TTN: variants seen among roughly 807,000 people sequenced by gnomAD.
TTN encodes the protein connectin.
TTN carries 1,525 observed loss-of-function variants against 3,223.0 expected under a neutral mutation model. The ratio of observed to expected loss-of-function variants is 0.47; its 90% CI spans 0.45 to 0.49. The LOEUF is 0.49. Ranked by LOEUF, TTN falls within the 20% of genes least tolerant of loss-of-function variation. TTN has a pLI of 0.00. For synonymous variants in TTN, 14,094 were observed against 15,161.0 expected, an observed-to-expected ratio of 0.93 and a Z score of 5.17; for missense variants, 40,786 against 43,424.0, an observed-to-expected ratio of 0.94 and a Z score of 5.40.
At position 178,727,840 on chromosome 2, in the gene TTN, G is replaced by T. The variant is rs116572520; in HGVS notation, c.19738C>A (p.Pro6580Thr). The T allele has an allele frequency of 1.3e-6, 2 of 1,594,824 alleles. No individual in the cohort carries two copies. Among genetic ancestry groups the T allele is most frequent in the Admixed American group, 3.5e-5 (2 of 57,436 alleles). The change falls in exon 68 of 363, where the codon CCT (proline) becomes ACT (threonine). Residue 6580 changes from proline (P) to threonine (T), a missense_variant. Pro to Thr is a conservative substitution (Grantham distance 38, BLOSUM62 -1). Transcript: ENST00000589042. Reference sequence around the variant, plus strand: ...TCAGGTATGGCTTGCTGTCGCCCAGGTTTCACTAGGAAGCTTGGTGGTTCT... The same window carrying T: ...TCAGGTATGGCTTGCTGTCGCCCAGTTTTCACTAGGAAGCTTGGTGGTTCT... The part of the protein sequence containing the change: ...VKEPPSFLVK[P>T]GRQQAIPDST...
rs1700819240 is a variant in TTN, at chr2:178,554,984, G to C, written c.88475C>G (p.Thr29492Ser). 1 of 1,613,546 alleles carries C rather than the reference G, an allele frequency of 6.2e-7. No individual in the cohort carries two copies. Among genetic ancestry groups the C allele is most frequent in the African/African-American group, 1.3e-5 (1 of 74,918 alleles). The change falls in exon 331 of 363, where the codon ACC becomes AGC. Residue 29492 changes from threonine to serine, a missense_variant. By Grantham distance (58) the Thr-to-Ser change is moderately conservative. Transcript: ENST00000589042. ...GATGAGTATAGATGCGAGGTCCGTG[G>C]TATTTTCAACACACACCAGTGCATT... ...QTNALVCVEN[T>S]TDLASILIKD...
Position 178,539,091 on chromosome 2 carries a change from G to A in TTN, c.98844C>T (p.Asn32948=). Residue 32948 remains asparagine (N), a synonymous_variant, in exon 353 of 363, where the codon AAC becomes AAT. Transcript: ENST00000589042. ...ACATTGTGGTGGTGATCTGAGTCTT[G>A]TTGTGTCTGACCCACTTGTCAGTGG... ...ETSTDKWVRH[N]KTQITTTMYT... 6.2e-7 allele frequency: 1 copy of A among 1,613,736 alleles called. No individual in the cohort carries two copies. Among genetic ancestry groups the A allele is most frequent in the Non-Finnish European group, 8.5e-7 (1 of 1,179,740 alleles).
chr2:178,582,664 G>A (rs758565633), intron 313 of TTN, 72 bp from the exon 314 acceptor site: 24 of 1,386,058 alleles, frequency 1.7e-5, no homozygotes, highest in Non-Finnish European at 2.3e-5. Flanking sequence ...TGGAGACCTG[G>A]GCTGCAGTCT....
chr2:178,755,476 C>T (rs1404971810), intron 46 of TTN, among the ~76,000 whole-genome samples: 1 of 152,084 alleles, frequency 6.6e-6, no homozygotes, highest in African/African-American at 2.4e-5. Flanking sequence ...AGTTCTGTTG[C>T]CCAGGCTGGA....
At chr2:178,742,085 C>G (rs1015372248) in intron 47 of TTN, among the ~76,000 whole-genome samples, 164 bp from the exon 48 acceptor site, 7 of 151,924 alleles carry the variant, frequency 4.6e-5, no homozygotes, top group African/African-American at 1.4e-4. Flanking sequence ...CTAAATTTTT[C>G]TTAGCTTAAC....
At position 178,580,104 on chromosome 2, in the gene TTN, C is replaced by T; in HGVS notation, c.67183G>A (p.Asp22395Asn). The T allele has an allele frequency of 6.2e-7, 1 of 1,613,384 alleles. No individual in the cohort carries two copies. The change falls in exon 318 of 363, where the codon GAT becomes AAT. Residue 22395 changes from aspartate (D) to asparagine (N), a missense_variant. By Grantham distance (23) the Asp-to-Asn change is conservative. Transcript: ENST00000589042. Reference sequence around the variant, plus strand: ...GTAGACCAGGATTTCCTCTCTGCATCACGTTTTTGTACCACATAGTTTATG... The same window carrying T: ...GTAGACCAGGATTTCCTCTCTGCATTACGTTTTTGTACCACATAGTTTATG... ...PIINYVVQKR[D>N]AERKSWSTVT... is the part of the protein sequence containing the mutation.
chr2:178,695,606 T>C (rs2073550890), intron 114 of TTN, among the ~76,000 whole-genome samples, 196 bp from the exon 115 acceptor site: 1 of 151,966 alleles, frequency 6.6e-6, no homozygotes, highest in Non-Finnish European at 1.5e-5. Context: ...GCAGTAAAAG[T>C]AAAACTTGAA....
At position 178,564,189 on chromosome 2, in the gene TTN, C is replaced by G; in HGVS notation, c.81943G>C (p.Glu27315Gln). 6.2e-7 allele frequency: 1 copy of G among 1,613,668 alleles called. No homozygotes were observed. Among genetic ancestry groups the G allele is most frequent in the Non-Finnish European group, 8.5e-7 (1 of 1,179,752 alleles). Residue 27315 changes from glutamate (E) to glutamine (Q), a missense_variant, in exon 326 of 363, where the codon GAA becomes CAA. Glu to Gln is a conservative substitution (Grantham distance 29). Coordinates refer to ENST00000589042, the MANE Select transcript of TTN (RefSeq NM_001267550.2). ...PDVVWSKDGK[E>Q]LEETAARMEI... Reference sequence around the variant, plus strand: ...ATTCTAGCAGCTGTTTCTTCAAGTTCTTTTCCATCTTTTGACCAAACAACA... The same window carrying G: ...ATTCTAGCAGCTGTTTCTTCAAGTTGTTTTCCATCTTTTGACCAAACAACA...
Position 178,617,996 on chromosome 2 carries a change from A to C in TTN, c.47355T>G (p.Asp15785Glu), listed in dbSNP as rs767824127. 6.2e-7 allele frequency: 1 copy of C among 1,612,498 alleles called. No homozygotes were observed. The highest frequency in any genetic ancestry group is 1.3e-5 in the African/African-American group (1 of 74,824). Residue 15785 changes from aspartate to glutamate, a missense_variant, in exon 253 of 363, where the codon GAT becomes GAG. Asp to Glu is a conservative substitution (Grantham distance 45, BLOSUM62 2). Coordinates refer to ENST00000589042, the MANE Select transcript of TTN (RefSeq NM_001267550.2). ...VSLTWEPPEY[D>E]GGAEITNYVI... ...CGTAGTTTGTGATCTCAGCACCTCC[A>C]TCATACTCTGGTGGTTCCCATGTCA...
At chr2:178,795,365 C>T in intron 6 of TTN, 113 bp from the exon 7 acceptor site, 1 of 925,882 alleles carries the variant, frequency 1.1e-6, no homozygotes, top group East Asian at 2.5e-5. Context: ...AAATGTGTGC[C>T]TCCATAACCC....
In TTN at chr2:178,678,428, G is replaced by A; in HGVS notation, c.33896C>T (p.Ala11299Val). The A allele has an allele frequency of 1.3e-6, 2 of 1,590,530 alleles. No homozygotes were observed. Among genetic ancestry groups the A allele is most frequent in the Non-Finnish European group, 1.7e-6 (2 of 1,168,130 alleles). The change falls in exon 144 of 363, where the codon GCT becomes GTT. Residue 11299 changes from alanine to valine, a missense_variant. Physicochemically the swap from Ala to Val is moderately conservative, Grantham distance 64. Transcript: ENST00000589042. ...AAATTATGTACCTTTTGCAGGTGGAGCCTCCACTTTCTTAGGAGCAGGAAC... is the reference window on the plus strand; with the variant it reads ...AAATTATGTACCTTTTGCAGGTGGAACCTCCACTTTCTTAGGAGCAGGAAC... ...VPVPAPKKVE[A>V]PPAKVPEVPK...
In TTN at chr2:178,677,267, G is replaced by C; in HGVS notation, c.34312C>G (p.Pro11438Ala). 8.3e-7 allele frequency: 1 copy of C among 1,206,526 alleles called. No individual in the cohort carries two copies. Among genetic ancestry groups the C allele is most frequent in the African/African-American group, 1.7e-5 (1 of 60,480 alleles). 74.7% of individuals were successfully genotyped at this position (1,206,526 alleles called of 1,614,324 possible). Residue 11438 changes from proline to alanine, a missense_variant, in exon 147 of 363, where the codon CCT becomes GCT. Physicochemically the swap from Pro to Ala is conservative, Grantham distance 27. Coordinates refer to ENST00000589042, the MANE Select transcript of TTN (RefSeq NM_001267550.2). ...ACAGGGACTTTCTTCTCTGGTACAG[G>C]TTTCTTTGGCACTTCAGGCACTTAA... ...PAPVPEVPKK[P>A]VPEKKVPVPA...
At chr2:178,688,043 A>T in intron 127 of TTN, 68 bp downstream of exon 127, 1 of 1,318,244 alleles carries the variant, frequency 7.6e-7, no homozygotes, top group Non-Finnish European at 1.1e-6. Flanking sequence ...ATTGGTCTGT[A>T]GACAATTTGT....
chr2:178,779,588 T>C (rs2154347924), intron 22 of TTN, 126 bp from the exon 23 acceptor site: 2 of 673,702 alleles, frequency 3.0e-6, no homozygotes, highest in Non-Finnish European at 2.5e-6. Context: ...GACTTTTTGG[T>C]TTGTTTGTTT....
At chr2:178,666,945 G>A in intron 162 of TTN, 44 bp from the exon 163 acceptor site, 1 of 1,382,824 alleles carries the variant, frequency 7.2e-7, no homozygotes, top group Non-Finnish European at 9.8e-7. Context: ...AAAGGCAAAG[G>A]CATAAAGACA....
intron 106 of TTN, 124 bp downstream of exon 106, chr2:178,704,023 T>G: frequency 8.1e-7 from 1 of 1,228,506 alleles, no homozygotes; most frequent in Non-Finnish European, 1.1e-6. Context: ...TGAGAACGTG[T>G]GTTGGGAAAT....
Position 178,682,620 on chromosome 2 carries a change from T to G in TTN, c.33094+77A>C, listed in dbSNP as rs1037239380. On this transcript the variant is annotated intron_variant, in intron 135 of 362. Coordinates refer to ENST00000589042, the MANE Select transcript of TTN (RefSeq NM_001267550.2). ...TTTGGGTATCCAAATTTTTATCTTG[T>G]TATGATTTATCTTGTTTTATCTTGT... 24 of 1,346,686 alleles carry G rather than the reference T, an allele frequency of 1.8e-5. No individual in the cohort carries two copies. In the African/African-American group the frequency reaches 2.9e-4, roughly 16 times the overall value. 83.4% of individuals were successfully genotyped at this position (1,346,686 alleles called of 1,614,324 possible).
rs1401862112 is a variant in TTN, at chr2:178,546,029, C to G, written c.95207G>C (p.Gly31736Ala). ...GATGTAGTGAGTGATTTCTGCTCCT[C>G]CGTCTTCCTGCGGAAGGCTCCAGGC... Reference protein sequence around the residue: ...TLAWSLPQEDGGAEITHYIVE... With the variant: ...TLAWSLPQEDAGAEITHYIVE... Residue 31736 changes from glycine to alanine, a missense_variant, in exon 343 of 363, where the codon GGA becomes GCA. Coordinates refer to ENST00000589042, the MANE Select transcript of TTN (RefSeq NM_001267550.2). The G allele has an allele frequency of 3.7e-6, 6 of 1,613,792 alleles. No homozygotes were observed. The highest frequency in any genetic ancestry group is 5.1e-6 in the Non-Finnish European group (6 of 1,179,764).
chr2:178,556,455 C>G lies in TTN; in HGVS notation c.88306+393G>C, dbSNP rs141407740. 598 of 186,226 alleles carry G rather than the reference C, an allele frequency of 3.2e-3. 1 individual carries two copies. The highest frequency in any genetic ancestry group is 5.4e-3 in the Non-Finnish European group (509 of 93,446). 11.5% of individuals were successfully genotyped at this position (186,226 alleles called of 1,614,324 possible). On this transcript the variant is annotated intron_variant, in intron 330 of 362. Transcript: ENST00000589042. ...CAAAACAAACAAACAAACAAACAAACAAAAAAAAAAAAACCAAAAAATGAA... is the reference window on the plus strand; with the variant it reads ...CAAAACAAACAAACAAACAAACAAAGAAAAAAAAAAAAACCAAAAAATGAA...
Sources: allele counts gnomAD v4.1 joint callset (sites outside exome capture counted in the v4.1 genomes callset), GRCh38; gene constraint gnomAD v4.1.1; transcripts MANE v1.5; gene names NCBI Gene and HGNC (gene_info 2026-07-23, HGNC 2026-07-21).